IGF2BP2: variants seen among roughly 807,000 people sequenced by gnomAD.
IGF2BP2 encodes insulin-like growth factor 2 mRNA-binding protein 2.
A neutral mutation model predicts 75.8 loss-of-function variants in IGF2BP2; 17 were observed. The observed-to-expected ratio is 0.22, with a 90% CI of 0.15 to 0.34. The LOEUF (loss-of-function observed/expected upper bound fraction) is 0.34. IGF2BP2 is among the 10% of genes least tolerant of loss of function. The pLI, the probability that IGF2BP2 is intolerant of heterozygous loss-of-function variation, is 1.00. For synonymous variants in IGF2BP2, 288 were observed against 295.6 expected (o/e 0.97, Z 0.26); for missense variants, 516 against 772.4 (o/e 0.67, Z 3.93).
chr3:185,657,473 C>A, intron 11 of IGF2BP2, 71 bp from the exon 12 acceptor site: 1 of 1,174,628 alleles, frequency 8.5e-7, no homozygotes, highest in Non-Finnish European at 1.2e-6. Context: ...CAACAGGTAC[C>A]AAGCACCTTA....
chr3:185,660,528 C>T (rs1401711489), intron 10 of IGF2BP2, among the ~76,000 whole-genome samples: 3 of 152,186 alleles, frequency 2.0e-5, no homozygotes, highest in Non-Finnish European at 2.9e-5. Context: ...CCACGCCTGC[C>T]GGCGACAGAG....
chr3:185,681,530 A>G (rs750104181), intron 7 of IGF2BP2, among the ~76,000 whole-genome samples: 3 of 152,254 alleles, frequency 2.0e-5, no homozygotes, highest in Non-Finnish European at 4.4e-5. Context: ...TACAGATTCA[A>G]TATGAGCTCT....
intron 2 of IGF2BP2, among the ~76,000 whole-genome samples, chr3:185,815,516 G>T (rs1357888378): frequency 1.3e-5 from 2 of 152,202 alleles, no homozygotes; most frequent in Non-Finnish European, 2.9e-5. Context: ...AGCCCTTTGT[G>T]TAAGAAGGAT....
chr3:185,777,937 G>C (rs1734720665), intron 2 of IGF2BP2, among the ~76,000 whole-genome samples: 2 of 151,990 alleles, frequency 1.3e-5, no homozygotes, highest in African/African-American at 4.8e-5. Context: ...CCAGCTACTT[G>C]GGAGGCTGAG....
intron 2 of IGF2BP2, among the ~76,000 whole-genome samples, chr3:185,715,858 C>CTGGTCT (rs1328127907): frequency 3.9e-5 from 6 of 152,074 alleles, no homozygotes; most frequent in Non-Finnish European, 7.4e-5. Context: ...GTTGGCCAGG[C>CTGGTCT]TGGTCTTGAA....
At chr3:185,814,811 T>C (rs1049368971) in intron 2 of IGF2BP2, among the ~76,000 whole-genome samples, 1 of 152,168 alleles carries the variant, frequency 6.6e-6, no homozygotes, top group Non-Finnish European at 1.5e-5. Context: ...ATGCATAAGA[T>C]ACTTAAGTAT....
chr3:185,756,767 G>A (rs1481467603), intron 2 of IGF2BP2, among the ~76,000 whole-genome samples: 1 of 152,148 alleles, frequency 6.6e-6, no homozygotes, highest in Admixed American at 6.5e-5. Context: ...GAGTCCAGGA[G>A]TTTGAGACCA....
intron 7 of IGF2BP2, among the ~76,000 whole-genome samples, chr3:185,677,108 T>C (rs1295295245): frequency 6.1e-5 from 6 of 99,028 alleles, no homozygotes; most frequent in African/African-American, 1.8e-4. Context: ...GAGAGAGAGA[T>C]GTATATATAT....
At chr3:185,675,564 G>T in intron 8 of IGF2BP2, 133 bp from the exon 9 acceptor site, 2 of 1,124,196 alleles carry the variant, frequency 1.8e-6, no homozygotes, top group Non-Finnish European at 2.5e-6. Context: ...CTGTGGTGGA[G>T]AATCCCTGCC....
chr3:185,769,840 A>G (rs1437410062), intron 2 of IGF2BP2, among the ~76,000 whole-genome samples: 1 of 151,502 alleles, frequency 6.6e-6, no homozygotes, highest in Non-Finnish European at 1.5e-5. Flanking sequence ...CAAAAAAAAA[A>G]AAAAAAAAAA....
At position 185,645,741 on chromosome 3, in the gene IGF2BP2, G is replaced by A. The variant is rs911267902; in HGVS notation, c.1708-118C>T. On this transcript the variant is annotated intron_variant, in intron 15 of 15. Coordinates refer to ENST00000382199, the MANE Select transcript of IGF2BP2 (RefSeq NM_006548.6). This position sits in a 1 kb window ranked among gnomAD's most constrained non-coding sequence, Gnocchi z 4.9. ...GATGAAGGGTGGAATGCTCAGACAA[G>A]CATCATCTACCCACCCCCGCACGTT... 5.5e-6 allele frequency: 4 copies of A among 730,772 alleles called. No homozygotes were observed. The highest frequency in any genetic ancestry group is 9.8e-6 in the Non-Finnish European group (4 of 409,790). 45.3% of individuals were successfully genotyped at this position (730,772 alleles called of 1,614,324 possible).
At chr3:185,721,307 T>C (rs1726499255) in intron 2 of IGF2BP2, among the ~76,000 whole-genome samples, 1 of 152,132 alleles carries the variant, frequency 6.6e-6, no homozygotes, top group Non-Finnish European at 1.5e-5. Flanking sequence ...CCTCAAACAA[T>C]TCTCGTGCCT....
At chr3:185,820,847 A>G (rs572772354) in intron 2 of IGF2BP2, among the ~76,000 whole-genome samples, 2 of 152,310 alleles carry the variant, frequency 1.3e-5, no homozygotes, top group African/African-American at 2.4e-5. Context: ...AGGATGAACT[A>G]TTTTCTTCCC....
rs1285456128 is a variant in IGF2BP2, at chr3:185,645,025, G to T, written c.*506C>A. On this transcript the variant is annotated 3_prime_UTR_variant, in exon 16 of 16. Coordinates refer to ENST00000382199, the MANE Select transcript of IGF2BP2 (RefSeq NM_006548.6). This position sits in a 1 kb window ranked among gnomAD's most constrained non-coding sequence, Gnocchi z 4.9. Reference sequence around the variant, plus strand: ...AAAATTAATAATTGATTAAAAATTGGAGTTAGTTGAGTTATTTGATATATT... The same window carrying T: ...AAAATTAATAATTGATTAAAAATTGTAGTTAGTTGAGTTATTTGATATATT... 1 of 152,348 alleles carries T rather than the reference G, an allele frequency of 6.6e-6. No homozygotes were observed. Among genetic ancestry groups the T allele is most frequent in the African/African-American group, 2.4e-5 (1 of 41,420 alleles). 9.4% of individuals were successfully genotyped at this position (152,348 alleles called of 1,614,324 possible). A position where few individuals can be genotyped will look rare whatever the true frequency, so the allele number is the denominator to read the frequency against.
rs931154655 is a variant in IGF2BP2, at chr3:185,697,419, T to TG, written c.289-757_289-756insC. On this transcript the variant is annotated intron_variant, in intron 3 of 15. Transcript: ENST00000382199. ...TCACGCCCAGGCAATAATCGTGTGTTTTTTTTTTTTAAAGTAATAAAAACA... is the reference window on the plus strand; with the variant it reads ...TCACGCCCAGGCAATAATCGTGTGTTGTTTTTTTTTTAAAGTAATAAAAACA... Among the ~76,000 whole-genome samples, 23 of 150,816 alleles carry TG rather than the reference T, an allele frequency of 1.5e-4. No individual in the cohort carries two copies. The East Asian group carries it at 2.7e-3, about 18-fold the overall frequency.
chr3:185,728,647 G>C (rs1328320718), intron 2 of IGF2BP2: 1 of 152,126 alleles, frequency 6.6e-6, no homozygotes, highest in African/African-American at 2.4e-5. Context: ...GAACAGATTT[G>C]CTTAGTGAGG....
intron 12 of IGF2BP2, among the ~76,000 whole-genome samples, chr3:185,654,543 T>C (rs1715124610): frequency 6.6e-6 from 1 of 152,192 alleles, no homozygotes; most frequent in African/African-American, 2.4e-5. Flanking sequence ...TGTGGCTGCT[T>C]TGCTCAGATT....
At chr3:185,715,085 C>A (rs1473470192) in intron 2 of IGF2BP2, among the ~76,000 whole-genome samples, 1 of 152,114 alleles carries the variant, frequency 6.6e-6, no homozygotes, top group Admixed American at 6.5e-5. Context: ...GGAGGGGAAA[C>A]CTGGCAAGGA....
chr3:185,702,074 T>C (rs1013317792), intron 2 of IGF2BP2, among the ~76,000 whole-genome samples: 1 of 152,134 alleles, frequency 6.6e-6, no homozygotes, highest in Non-Finnish European at 1.5e-5. Flanking sequence ...CACTTTTCGG[T>C]TGTTCTGGTA....
Sources: gnomAD v4.1 joint callset for allele counts (sites outside exome capture counted in the v4.1 genomes callset) on GRCh38, gnomAD v4.1.1 for gene constraint, Gnocchi (gnomAD v3.1) non-coding constraint, MANE v1.5 for transcripts, NCBI Gene and HGNC (gene_info 2026-07-23, HGNC 2026-07-21) for gene names.